Variants in BAZ2B observed in about 807,000 individuals in gnomAD.
BAZ2B encodes the protein bromodomain adjacent to zinc finger domain protein 2B.
A neutral mutation model predicts 246.0 loss-of-function variants in BAZ2B; 91 were observed. That is an observed-to-expected ratio of 0.37 (90% CI 0.31 to 0.44). The LOEUF (loss-of-function observed/expected upper bound fraction) is 0.44. Ranked by LOEUF, BAZ2B falls within the 20% of genes least tolerant of loss-of-function variation. BAZ2B has a pLI of 1.00. For synonymous variants in BAZ2B, 855 were observed against 860.0 expected (o/e 0.99, Z 0.10); for missense variants, 2,332 against 2,533.7 (o/e 0.92, Z 1.71).
At chr2:159,690,169 C>A in the BAZ2B span, 6 of 472,870 alleles carry the variant, frequency 1.3e-5, no homozygotes, top group South Asian at 1.2e-4. Context: ...TTCCTTGGAT[C>A]CTGGTGACTA....
intron 8 of BAZ2B, among the ~76,000 whole-genome samples, chr2:159,436,922 C>T (rs1179099996): frequency 6.6e-6 from 1 of 152,016 alleles, no homozygotes; most frequent in African/African-American, 2.4e-5. Context: ...AAATAATGAA[C>T]TAATGAGGGA....
At chr2:159,441,712 CT>C (rs1577071545) in intron 6 of BAZ2B, among the ~76,000 whole-genome samples, 1 of 152,092 alleles carries the variant, frequency 6.6e-6, no homozygotes, top group Non-Finnish European at 1.5e-5. Flanking sequence ...TGCAATGGTG[CT>C]TTCATAGCTC....
intron 1 of BAZ2B, among the ~76,000 whole-genome samples, chr2:159,604,217 T>A (rs958501945): frequency 6.6e-6 from 1 of 152,216 alleles, no homozygotes; most frequent in Non-Finnish European, 1.5e-5. Context: ...TTATTTTTTT[T>A]AATTCCAAGT....
At chr2:159,700,553 C>A in the BAZ2B span, among the ~76,000 whole-genome samples, 3 of 152,196 alleles carry the variant, frequency 2.0e-5, no homozygotes, top group Non-Finnish European at 4.4e-5. Flanking sequence ...TCCAGTGATT[C>A]TTCTGCCTCA....
At position 159,395,477 on chromosome 2, in the gene BAZ2B, T is replaced by G. The variant is rs903808603; in HGVS notation, c.3075+292A>C. 8.7e-5 allele frequency: 18 copies of G among 206,272 alleles called. No homozygotes were observed. In the East Asian group the frequency reaches 2.0e-3, roughly 23 times the overall value. 12.8% of individuals were successfully genotyped at this position (206,272 alleles called of 1,614,324 possible). A position where few individuals can be genotyped will look rare whatever the true frequency, so the allele number is the denominator to read the frequency against. On this transcript the variant is annotated intron_variant, in intron 20 of 36. Transcript: ENST00000392783. ...TCTAGGCATGCTGTAATACTAGTTT[T>G]GTGAAACTCTGGTGTGATAAATAGC...
chr2:159,637,501 A>G, the BAZ2B span, among the ~76,000 whole-genome samples: 49 of 152,366 alleles, frequency 3.2e-4, no homozygotes, highest in African/African-American at 1.1e-3. Flanking sequence ...GAAGGCCTCT[A>G]TATTGTGGTT....
chr2:159,617,781 A>T (rs1158626533), upstream of BAZ2B, among the ~76,000 whole-genome samples: 1 of 152,156 alleles, frequency 6.6e-6, no homozygotes, highest in East Asian at 1.9e-4. Flanking sequence ...TAGGAAAAAA[A>T]AAAAGCTTGG....
At chr2:159,691,625 T>G in the BAZ2B span, among the ~76,000 whole-genome samples, 1 of 152,196 alleles carries the variant, frequency 6.6e-6, no homozygotes, top group Non-Finnish European at 1.5e-5. Flanking sequence ...CTCAAGCAAT[T>G]CGACTTCTTA....
chr2:159,580,359 G>A (rs942509969), intron 1 of BAZ2B, among the ~76,000 whole-genome samples: 1 of 152,064 alleles, frequency 6.6e-6, no homozygotes. Flanking sequence ...AACTTACAAG[G>A]GATGTGAAGG....
At chr2:159,594,090 T>C (rs1396113074) in intron 1 of BAZ2B, among the ~76,000 whole-genome samples, 1 of 152,174 alleles carries the variant, frequency 6.6e-6, no homozygotes, top group African/African-American at 2.4e-5. Context: ...GAACTTCTAA[T>C]ATTCTGCATG....
chr2:159,663,267 T>C, the BAZ2B span, among the ~76,000 whole-genome samples: 2 of 151,550 alleles, frequency 1.3e-5, no homozygotes, highest in East Asian at 3.9e-4. Flanking sequence ...AGTGGCATGA[T>C]CTCAGCTCAC....
intron 1 of BAZ2B, among the ~76,000 whole-genome samples, chr2:159,588,434 G>T (rs1688560101): frequency 6.6e-6 from 1 of 151,958 alleles, no homozygotes; most frequent in African/African-American, 2.4e-5. Context: ...CAAGGTGAGA[G>T]AATCACTTGA....
intron 2 of BAZ2B, among the ~76,000 whole-genome samples, chr2:159,519,525 C>T (rs1209728066): frequency 6.6e-6 from 1 of 151,408 alleles, no homozygotes; most frequent in Non-Finnish European, 1.5e-5. Context: ...CCACCGCGCC[C>T]GGCCTCATAT....
At chr2:159,510,149 A>G (rs1487523588) in intron 2 of BAZ2B, among the ~76,000 whole-genome samples, 1 of 151,900 alleles carries the variant, frequency 6.6e-6, no homozygotes, top group Non-Finnish European at 1.5e-5. Context: ...GAGATGGGGG[A>G]TGGTGAGGGA....
chr2:159,597,905 C>T (rs975369072), intron 1 of BAZ2B, among the ~76,000 whole-genome samples: 1 of 152,280 alleles, frequency 6.6e-6, no homozygotes, highest in Non-Finnish European at 1.5e-5. Flanking sequence ...ATCCTAAATA[C>T]AGAAAAATAA....
intron 2 of BAZ2B, among the ~76,000 whole-genome samples, chr2:159,530,572 A>G (rs941552194): frequency 1.3e-5 from 2 of 152,252 alleles, no homozygotes; most frequent in East Asian, 1.9e-4. Context: ...TCTGCTTCAT[A>G]TAAAATATTT....
At chr2:159,627,881 C>T in the BAZ2B span, among the ~76,000 whole-genome samples, 8 of 152,148 alleles carry the variant, frequency 5.3e-5, no homozygotes, top group African/African-American at 1.9e-4. Context: ...GTCAAATTGT[C>T]AATGTTTGCA....
intron 20 of BAZ2B, among the ~76,000 whole-genome samples, chr2:159,394,774 A>T (rs1169460450): frequency 1.3e-5 from 2 of 152,198 alleles, no homozygotes; most frequent in African/African-American, 4.8e-5. Flanking sequence ...TACAAAACAG[A>T]ATTCAGTATT....
chr2:159,540,670 T>A (rs2086553359), intron 2 of BAZ2B, among the ~76,000 whole-genome samples: 1 of 152,214 alleles, frequency 6.6e-6, no homozygotes, highest in Admixed American at 6.5e-5. Context: ...TGAATTTGAA[T>A]CTTAGTTACA....
Sources: gnomAD v4.1 joint callset for allele counts (sites outside exome capture counted in the v4.1 genomes callset) on GRCh38, gnomAD v4.1.1 for gene constraint, MANE v1.5 for transcripts, NCBI Gene and HGNC (gene_info 2026-07-23, HGNC 2026-07-21) for gene names.